Variants in LUC7L2 observed in about 807,000 individuals in gnomAD.
LUC7L2 encodes the protein LUC7 like 2, pre-mRNA splicing factor.
In LUC7L2, 25 loss-of-function variants were observed where a neutral mutation model predicts 52.8. The observed-to-expected ratio is 0.47, with a 90% confidence interval of 0.34 to 0.66. LUC7L2 has a LOEUF of 0.66. Among genes scored for constraint, LUC7L2 ranks in the 30% least tolerant of loss-of-function variants. The pLI, the probability that LUC7L2 is intolerant of heterozygous loss-of-function variation, is 0.01. For synonymous variants in LUC7L2, 144 were observed against 160.9 expected, an observed-to-expected ratio of 0.89 and a Z score of 0.80; for missense variants, 328 against 497.8, an observed-to-expected ratio of 0.66 and a Z score of 3.25.
chr7:139,373,781 G>C (rs1800574901), intron 1 of LUC7L2, among the ~76,000 whole-genome samples: 1 of 152,152 alleles, frequency 6.6e-6, no homozygotes, highest in Non-Finnish European at 1.5e-5. Flanking sequence ...AAAACTCCAT[G>C]AATACTGATT....
At chr7:139,344,352 G>T (rs1360505114) in intron 1 of LUC7L2, among the ~76,000 whole-genome samples, 2 of 152,076 alleles carry the variant, frequency 1.3e-5, no homozygotes, top group Non-Finnish European at 2.9e-5. Flanking sequence ...AAATGCTGTA[G>T]TATTTGCAAT....
At chr7:139,376,486 CAG>C (rs1316047801) in intron 2 of LUC7L2, among the ~76,000 whole-genome samples, 8 of 152,066 alleles carry the variant, frequency 5.3e-5, no homozygotes, top group African/African-American at 1.7e-4. Flanking sequence ...TACTGTTAAA[CAG>C]AGTAGACTTT....
intron 1 of LUC7L2, among the ~76,000 whole-genome samples, chr7:139,350,903 T>C (rs1333285390): frequency 6.6e-6 from 1 of 152,106 alleles, no homozygotes; most frequent in Non-Finnish European, 1.5e-5. Context: ...CTCCGACTAC[T>C]GACCTCGTGA....
rs1038754404 is a variant in LUC7L2, at chr7:139,345,705, A to G, written c.-26+5188A>G. 6 of 1,613,730 alleles carry G rather than the reference A, an allele frequency of 3.7e-6. No homozygotes were observed. In the African/African-American group the frequency reaches 8.0e-5, roughly 22 times the overall value. On this transcript the variant is annotated intron_variant, in intron 1 of 10. Coordinates refer to the LUC7L2 transcript ENST00000541170. ...TGGAGGGAAGGGCTGGGAGCCATGA[A>G]CATGGAGAATATCCTTGGATGCTGC... is the stretch of plus-strand genomic sequence containing the variant.
intron 2 of LUC7L2, among the ~76,000 whole-genome samples, chr7:139,382,400 T>A (rs1585096741): frequency 7.5e-6 from 1 of 133,122 alleles, no homozygotes; most frequent in South Asian, 2.3e-4. Context: ...TTATTTATTT[T>A]TTGAGACAGT....
chr7:139,403,737 A>G (rs1327525850), intron 4 of LUC7L2, among the ~76,000 whole-genome samples: 1 of 152,200 alleles, frequency 6.6e-6, no homozygotes, highest in East Asian at 1.9e-4. Flanking sequence ...GCAGTCAGTG[A>G]TTTAGGCTGA....
In LUC7L2 at chr7:139,341,402, C is replaced by T; in HGVS notation, c.-26+885C>T. On this transcript the variant is annotated intron_variant, in intron 1 of 10. Transcript: ENST00000541170. ...ACAGGACAATGGCGGCCTTAGGGTC[C>T]CCGTCGCACACTTTTCGAGGACTTC... The T allele has an allele frequency of 1.9e-6, 3 of 1,613,252 alleles. No homozygotes were observed. In the African/African-American group the frequency reaches 4.0e-5, roughly 21 times the overall value.
intron 3 of LUC7L2, among the ~76,000 whole-genome samples, chr7:139,401,443 A>G (rs909742581): frequency 6.6e-6 from 1 of 152,022 alleles, no homozygotes. Context: ...AATCCTGAAC[A>G]TTTCTTCATG....
At chr7:139,377,029 C>CT (rs1800745879) in intron 2 of LUC7L2, among the ~76,000 whole-genome samples, 1 of 152,134 alleles carries the variant, frequency 6.6e-6, no homozygotes, top group Non-Finnish European at 1.5e-5. Context: ...CAGGAAACAC[C>CT]TTTGACTTTT....
chr7:139,423,233 C>T lies in LUC7L2; in HGVS notation c.*893C>T, dbSNP rs186812222. On this transcript the variant is annotated 3_prime_UTR_variant, in exon 10 of 10. Transcript: ENST00000354926. ...TGTGGGCATTTCCTCTATTCTGTTA[C>T]GTCATTAACAGTGCCTTACTGTGCA... 3.8e-5 allele frequency: 15 copies of T among 399,008 alleles called. No individual in the cohort carries two copies. Among genetic ancestry groups the T allele is most frequent in the Non-Finnish European group, 2.7e-5 (6 of 226,070 alleles). 24.7% of individuals were successfully genotyped at this position (399,008 alleles called of 1,614,324 possible).
At chr7:139,399,448 G>GGTT (rs1794799799) in intron 3 of LUC7L2, among the ~76,000 whole-genome samples, 2 of 83,124 alleles carry the variant, frequency 2.4e-5, no homozygotes, top group Admixed American at 1.3e-4. Flanking sequence ...GTGTTTGGGG[G>GGTT]ATTTTTTTTT....
intron 9 of LUC7L2, among the ~76,000 whole-genome samples, chr7:139,419,130 CAAA>C (rs571694948): frequency 1.4e-5 from 2 of 139,292 alleles, no homozygotes; most frequent in African/African-American, 5.3e-5. Context: ...AAAAAACAAA[CAAA>C]AAAAAAAACA....
chr7:139,377,279 A>G (rs1426452429), intron 2 of LUC7L2, among the ~76,000 whole-genome samples: 4 of 152,114 alleles, frequency 2.6e-5, no homozygotes, highest in African/African-American at 7.2e-5. Context: ...ATCTCAGCTC[A>G]CTGCTACCTC....
chr7:139,406,669 G>A (rs1012467231), intron 5 of LUC7L2, among the ~76,000 whole-genome samples: 1 of 151,864 alleles, frequency 6.6e-6, no homozygotes, highest in African/African-American at 2.4e-5. Context: ...TTTTGTTGTT[G>A]TTGTTTTTTA....
chr7:139,422,851 A>G lies in LUC7L2; in HGVS notation c.*511A>G, dbSNP rs1368978464. 1 of 398,984 alleles carries G rather than the reference A, an allele frequency of 2.5e-6. No homozygotes were observed. Among genetic ancestry groups the G allele is most frequent in the African/African-American group, 2.1e-5 (1 of 48,634 alleles). The allele number at this position is 398,984 out of a possible 1,614,324, so 24.7% of individuals were successfully genotyped here. A position where few individuals can be genotyped will look rare whatever the true frequency, so the allele number is the denominator to read the frequency against. On this transcript the variant is annotated 3_prime_UTR_variant, in exon 10 of 10. Transcript: ENST00000354926. ...TTACTAGCTGATTACAGTTCAGAGC[A>G]TTGATCCTGGAATGTGTGCTGGAGA... is the stretch of plus-strand genomic sequence containing the variant.
At chr7:139,413,291 C>T (rs536112583) in intron 8 of LUC7L2, among the ~76,000 whole-genome samples, 5 of 152,208 alleles carry the variant, frequency 3.3e-5, no homozygotes, top group Admixed American at 3.3e-4. Context: ...CTTCACTTGC[C>T]CTTCTCATTC....
upstream of LUC7L2, among the ~76,000 whole-genome samples, chr7:139,356,545 G>A (rs900854613): frequency 1.5e-4 from 22 of 151,580 alleles, no homozygotes; most frequent in African/African-American, 4.1e-4. Context: ...ACTTTGGGAG[G>A]CCGAGGCAGG....
chr7:139,406,649 T>C, intron 5 of LUC7L2, among the ~76,000 whole-genome samples: 1 of 152,150 alleles, frequency 6.6e-6, no homozygotes, highest in Non-Finnish European at 1.5e-5. Context: ...CCACCCGGCC[T>C]GGCCTGTTTT....
At chr7:139,364,525 G>C (rs1327405103) in intron 1 of LUC7L2, among the ~76,000 whole-genome samples, 1 of 152,110 alleles carries the variant, frequency 6.6e-6, no homozygotes, top group Admixed American at 6.5e-5. Flanking sequence ...TAAATTGTAG[G>C]ATATACTTCC....
Sources: gnomAD v4.1 joint callset for allele counts (sites outside exome capture counted in the v4.1 genomes callset) on GRCh38, gnomAD v4.1.1 for gene constraint, MANE v1.5 for transcripts, NCBI Gene and HGNC (gene_info 2026-07-23, HGNC 2026-07-21) for gene names.